Variants in CSTF1 observed in about 807,000 individuals in gnomAD.
The protein encoded by CSTF1 is CF-1 50 kDa subunit.
CSTF1 carries 2 observed loss-of-function variants against 40.9 expected under a neutral mutation model. The observed-to-expected ratio is 0.05, with a 90% CI of 0.02 to 0.15. The LOEUF is 0.15. CSTF1 is among the 10% of genes least tolerant of loss of function. CSTF1 has a pLI of 1.00. For synonymous variants in CSTF1, 218 were observed against 207.2 expected, an observed-to-expected ratio of 1.05 and a Z score of -0.45; for missense variants, 279 against 558.9, an observed-to-expected ratio of 0.50 and a Z score of 5.05.
At position 56,395,680 on chromosome 20, in the gene CSTF1, T is replaced by G. The variant is rs376963122; in HGVS notation, c.128T>G (p.Val43Gly). 18 of 1,614,102 alleles carry G rather than the reference T, an allele frequency of 1.1e-5. No individual in the cohort carries two copies. The highest frequency in any genetic ancestry group is 5.1e-6 in the Non-Finnish European group (6 of 1,180,038). Residue 43 changes from valine (V) to glycine (G), a missense_variant, in exon 2 of 6, where the codon GTG (valine) becomes GGG (glycine). Physicochemically the swap from Val to Gly is moderately radical, Grantham distance 109. Transcript: ENST00000217109. ...ATCAATGAAATCAAGCCTCAGTCTG[T>G]GTGTGCACCCTCGGAGCAGCTCCTG... ...GLINEIKPQS[V>G]CAPSEQLLHL...
chr20:56,398,468 G>A (rs1978326638), intron 4 of CSTF1, among the ~76,000 whole-genome samples: 2 of 152,340 alleles, frequency 1.3e-5, no homozygotes, highest in South Asian at 2.1e-4. Context: ...TACTCAGGAG[G>A]CGGAGGCAAG....
rs1231388107 is a variant in CSTF1, at chr20:56,392,718, T to A, written c.-33+5T>A. 1 of 151,936 alleles carries A rather than the reference T, an allele frequency of 6.6e-6. No homozygotes were observed. The highest frequency in any genetic ancestry group is 2.4e-5 in the African/African-American group (1 of 41,376). The allele number at this position is 151,936 out of a possible 1,614,324, so 9.4% of individuals were successfully genotyped here. On this transcript the variant is annotated splice_donor_5th_base_variant and intron_variant, in intron 1 of 5. Coordinates refer to ENST00000217109, the MANE Select transcript of CSTF1 (RefSeq NM_001324.3). ...CCAAGAGAACCGGACCAGCTGGTAC[T>A]GGGACACGGGGAGAGTAGCTGGTGC...
chr20:56,395,023 C>T (rs1987476718), intron 1 of CSTF1, among the ~76,000 whole-genome samples: 1 of 152,094 alleles, frequency 6.6e-6, no homozygotes, highest in African/African-American at 2.4e-5. Flanking sequence ...GTAACAAGCT[C>T]AGTTGCCTTA....
rs887927504 is a variant in CSTF1 at position 56,404,505 on chromosome 20, C to T, written c.*778C>T. On this transcript the variant is annotated 3_prime_UTR_variant, in exon 6 of 6. Coordinates refer to ENST00000217109, the MANE Select transcript of CSTF1 (RefSeq NM_001324.3). ...GCCTGTCTTCACGAATGATTAGTAT[C>T]GATTGACCTCTTTCTTAGGTGGTTT... 6.6e-6 allele frequency: 1 copy of T among 152,146 alleles called. No homozygotes were observed. The highest frequency in any genetic ancestry group is 2.4e-5 in the African/African-American group (1 of 41,432). The allele number at this position is 152,146 out of a possible 1,614,324, so 9.4% of individuals were successfully genotyped here. A position where few individuals can be genotyped will look rare whatever the true frequency, so the allele number is the denominator to read the frequency against.
chr20:56,402,303 T>C (rs1441775544), intron 5 of CSTF1, among the ~76,000 whole-genome samples: 5 of 143,354 alleles, frequency 3.5e-5, no homozygotes, highest in Admixed American at 6.9e-5. Flanking sequence ...TAAGACTCTA[T>C]CTCAAAAAAA....
intron 5 of CSTF1, among the ~76,000 whole-genome samples, chr20:56,403,049 T>G (rs1342758613): frequency 6.6e-6 from 1 of 152,036 alleles, no homozygotes; most frequent in Non-Finnish European, 1.5e-5. Flanking sequence ...AGCATAAAGT[T>G]GGTTAAAACT....
In CSTF1 at chr20:56,403,730, C is replaced by T; in HGVS notation, c.*3C>T. 6.2e-7 allele frequency: 1 copy of T among 1,610,132 alleles called. No homozygotes were observed. The highest frequency in any genetic ancestry group is 2.2e-5 in the East Asian group (1 of 44,760). On this transcript the variant is annotated 3_prime_UTR_variant, in exon 6 of 6. Transcript: ENST00000217109. ...ACCGGAGATCGACCACTGACTGAGCCACCCTCTCCGTAGGGTTCTTTCTCG... is the reference window on the plus strand; with the variant it reads ...ACCGGAGATCGACCACTGACTGAGCTACCCTCTCCGTAGGGTTCTTTCTCG...
Position 56,402,932 on chromosome 20 carries a change from T to TA in CSTF1, c.1037-520dup, listed in dbSNP as rs76350193. 7.2e-3 allele frequency among the ~76,000 whole-genome samples: 861 copies of TA among 119,404 alleles called. 5 individuals are homozygous for TA. The highest frequency in any genetic ancestry group is 0.021 in the African/African-American group (696 of 33,340). The allele number at this position is 119,404 out of a possible 152,430, so 78.3% of individuals were successfully genotyped here. ...CCTGGCGACAGAGTGAGACTCTGTC[T>TA]AAAAAAAAAAAAAAAAGATCACACA... On this transcript the variant is annotated intron_variant, in intron 5 of 5. Coordinates refer to ENST00000217109, the MANE Select transcript of CSTF1 (RefSeq NM_001324.3).
At chr20:56,403,428 T>C (rs781047212) in intron 5 of CSTF1, 40 bp from the exon 6 acceptor site, 4 of 1,609,784 alleles carry the variant, frequency 2.5e-6, no homozygotes, top group African/African-American at 1.3e-5. Flanking sequence ...GGGTCTAAGA[T>C]GTGGACTTAG....
chr20:56,402,354 A>C (rs1280122627), intron 5 of CSTF1, among the ~76,000 whole-genome samples: 4 of 151,970 alleles, frequency 2.6e-5, no homozygotes, highest in Admixed American at 2.6e-4. Flanking sequence ...CATAACACTT[A>C]GATATTTCGA....
chr20:56,401,797 C>T (rs1321529850), intron 5 of CSTF1, among the ~76,000 whole-genome samples: 1 of 152,154 alleles, frequency 6.6e-6, no homozygotes, highest in African/African-American at 2.4e-5. Flanking sequence ...TCCTCACAGC[C>T]TTATGGGGTA....
At chr20:56,398,868 T>C (rs1250358604) in intron 4 of CSTF1, 99 bp from the exon 5 acceptor site, 2 of 1,157,904 alleles carry the variant, frequency 1.7e-6, no homozygotes, top group African/African-American at 3.1e-5. Flanking sequence ...CTAATAATTG[T>C]TTTATAGATT....
In CSTF1 at chr20:56,403,662, G is replaced by A; in HGVS notation, c.1231G>A (p.Gly411Arg). ...CATAGTGCACTCCCCCACCAACCCCGGGTTCATGACGTGCAGCGATGACTT... is the reference window on the plus strand; with the variant it reads ...CATAGTGCACTCCCCCACCAACCCCAGGTTCATGACGTGCAGCGATGACTT... ...RCIVHSPTNP[G>R]FMTCSDDFRA... Residue 411 changes from glycine to arginine, a missense_variant, in exon 6 of 6, where the codon GGG becomes AGG. This residue lies in a region of CSTF1 where 162 missense variants were observed against 337.1 expected (regional missense o/e 0.48). Coordinates refer to ENST00000217109, the MANE Select transcript of CSTF1 (RefSeq NM_001324.3). 4 of 1,614,070 alleles carry A rather than the reference G, an allele frequency of 2.5e-6. No individual in the cohort carries two copies. The highest frequency in any genetic ancestry group is 1.7e-6 in the Non-Finnish European group (2 of 1,180,006).
intron 1 of CSTF1, chr20:56,392,921 C>T (rs1987318756): frequency 6.6e-6 from 1 of 152,142 alleles, no homozygotes; most frequent in South Asian, 2.1e-4. Flanking sequence ...CCTTAGTTCG[C>T]CTCTGCATCC....
At chr20:56,398,833 T>C (rs1978336111) in intron 4 of CSTF1, 134 bp from the exon 5 acceptor site, 2 of 810,902 alleles carry the variant, frequency 2.5e-6, no homozygotes, top group Non-Finnish European at 3.7e-6. Flanking sequence ...AAAGCACTTT[T>C]TTTCTTATGA....
Position 56,403,841 on chromosome 20 carries a change from T to A in CSTF1, c.*114T>A. ...CCTTGACGTTTTGCTGCCACCTCTG[T>A]CCACATTCTTCTTGGATTTGTATAA... On this transcript the variant is annotated 3_prime_UTR_variant, in exon 6 of 6. Coordinates refer to ENST00000217109, the MANE Select transcript of CSTF1 (RefSeq NM_001324.3). 2.0e-6 allele frequency: 2 copies of A among 1,013,664 alleles called. No homozygotes were observed. The highest frequency in any genetic ancestry group is 5.4e-4 in the Middle Eastern group (2 of 3,736). The allele number at this position is 1,013,664 out of a possible 1,614,324, so 62.8% of individuals were successfully genotyped here.
In CSTF1 at chr20:56,395,556, T is replaced by C; in HGVS notation, c.4T>C (p.Tyr2His). 2 of 1,613,576 alleles carry C rather than the reference T, an allele frequency of 1.2e-6. No homozygotes were observed. Among genetic ancestry groups the C allele is most frequent in the Non-Finnish European group, 8.5e-7 (1 of 1,179,758 alleles). ...AACTGTCTTCCTTTTCTCCAAGATG[T>C]ACAGAACCAAAGTGGGCTTGAAGGA... M[Y>H]RTKVGLKDRQ... Residue 2 changes from tyrosine (Y) to histidine (H), a missense_variant, in exon 2 of 6, where the codon TAC becomes CAC. By Grantham distance (83) the Tyr-to-His change is moderately conservative (BLOSUM62 2). Around this residue, in one of 4 missense-constraint regions of CSTF1, gnomAD observed 51 missense variants for 55.0 expected, o/e 0.93. Transcript: ENST00000217109.
At chr20:56,400,479 TAACTGTTTTA>T (rs1978404290) in intron 5 of CSTF1, among the ~76,000 whole-genome samples, 1 of 152,176 alleles carries the variant, frequency 6.6e-6, no homozygotes, top group Non-Finnish European at 1.5e-5. Context: ...ATAGAAGTTA[TAACTGTTTTA>T]AGGAGTGTGC....
At position 56,395,927 on chromosome 20, in the gene CSTF1, GTTCT is replaced by G. The variant is rs1407268873; in HGVS notation, c.169+207_169+210del. The G allele has an allele frequency of 6.0e-5, 32 of 534,468 alleles. 1 individual carries two copies. Among genetic ancestry groups the G allele is most frequent in the Non-Finnish European group, 9.9e-5 (30 of 303,128 alleles). 33.1% of individuals were successfully genotyped at this position (534,468 alleles called of 1,614,324 possible). A position where few individuals can be genotyped will look rare whatever the true frequency, so the allele number is the denominator to read the frequency against. On this transcript the variant is annotated intron_variant, in intron 2 of 5. Transcript: ENST00000217109. ...TTCAGATTATGAAGACCTTAAGCTG[GTTCT>G]GGCCTGAGGGTCTTTGTACACATTA...
Sources: gnomAD v4.1 joint callset for allele counts (sites outside exome capture counted in the v4.1 genomes callset) on GRCh38, gnomAD v4.1.1 for gene constraint, gnomAD v4.1.1 regional missense constraint, MANE v1.5 for transcripts, NCBI Gene and HGNC (gene_info 2026-07-23, HGNC 2026-07-21) for gene names.